LRP1B: variants seen among roughly 807,000 people sequenced by gnomAD.
LRP1B encodes low-density lipoprotein receptor-related protein 1B.
In LRP1B, 217 loss-of-function variants were observed where a neutral mutation model predicts 556.6. The observed-to-expected ratio is 0.39, with a 90% CI of 0.35 to 0.44. The LOEUF (loss-of-function observed/expected upper bound fraction) is 0.44, where lower values mean the gene tolerates loss of function less well. Among genes scored for constraint, LRP1B ranks in the 20% least tolerant of loss-of-function variants. The pLI, the probability that LRP1B is intolerant of heterozygous loss-of-function variation, is 1.00. For missense variants in LRP1B, 5,053 were observed against 5,620.8 expected, an observed-to-expected ratio of 0.90 and a Z score of 3.23; for synonymous variants, 2,047 against 1,865.8, an observed-to-expected ratio of 1.10 and a Z score of -2.50.
chr2:140,560,282 A>G (rs1010793681), intron 43 of LRP1B, among the ~76,000 whole-genome samples: 8 of 152,268 alleles, frequency 5.3e-5, no homozygotes, highest in African/African-American at 1.9e-4. Flanking sequence ...CTGGTCATCA[A>G]ATGTAATGTG....
chr2:140,692,587 G>C (rs1262251728), intron 41 of LRP1B, among the ~76,000 whole-genome samples: 2 of 152,080 alleles, frequency 1.3e-5, no homozygotes, highest in Admixed American at 6.6e-5. Context: ...AATAGTTGGA[G>C]AGATTGACTA....
intron 11 of LRP1B, among the ~76,000 whole-genome samples, chr2:141,031,683 C>T (rs946427035): frequency 6.6e-6 from 1 of 151,712 alleles, no homozygotes; most frequent in Admixed American, 6.6e-5. Context: ...GCACACTAGC[C>T]CCAAATAAGA....
At chr2:140,459,639 G>A (rs113384032) in intron 60 of LRP1B, among the ~76,000 whole-genome samples, 1,621 of 152,222 alleles carry the variant, frequency 0.011, 30 homozygotes, top group African/African-American at 0.038. Flanking sequence ...CAGCGGGAGA[G>A]GCAATTTATA....
intron 43 of LRP1B, among the ~76,000 whole-genome samples, chr2:140,573,013 G>A (rs1253662654): frequency 6.6e-6 from 1 of 151,622 alleles, no homozygotes; most frequent in Non-Finnish European, 1.5e-5. Context: ...AGTAGAAAAA[G>A]GAGATGTCGG....
intron 2 of LRP1B, among the ~76,000 whole-genome samples, chr2:141,693,006 A>T (rs948976597): frequency 2.6e-5 from 4 of 151,994 alleles, no homozygotes; most frequent in African/African-American, 4.8e-5. Flanking sequence ...AATTATCAAG[A>T]ATTTCAAGAG....
chr2:141,388,479 C>G (rs906338519), intron 3 of LRP1B, among the ~76,000 whole-genome samples: 2 of 151,896 alleles, frequency 1.3e-5, no homozygotes, highest in African/African-American at 4.8e-5. Context: ...AAATAATACT[C>G]AGAAACTAAG....
chr2:142,077,156 C>T (rs969461038), intron 1 of LRP1B, among the ~76,000 whole-genome samples: 5 of 152,004 alleles, frequency 3.3e-5, no homozygotes, highest in Admixed American at 2.6e-4. Context: ...TTCATCTTTA[C>T]CTAAAACATG....
chr2:140,936,791 G>C (rs192280260), intron 20 of LRP1B, among the ~76,000 whole-genome samples: 156 of 152,166 alleles, frequency 1.0e-3, no homozygotes, highest in Non-Finnish European at 1.7e-3. Context: ...CAATTTAAAA[G>C]ATTAATGTGT....
At chr2:141,172,532 C>G (rs1373898620) in intron 7 of LRP1B, among the ~76,000 whole-genome samples, 1 of 151,960 alleles carries the variant, frequency 6.6e-6, no homozygotes, top group Admixed American at 6.6e-5. Flanking sequence ...AGAGAATTTG[C>G]TTTTAATCAC....
At chr2:141,458,583 G>A (rs1681727002) in intron 3 of LRP1B, among the ~76,000 whole-genome samples, 1 of 152,044 alleles carries the variant, frequency 6.6e-6, no homozygotes, top group Non-Finnish European at 1.5e-5. Flanking sequence ...GGCTGACTCA[G>A]TGCTGTTTTC....
chr2:141,176,975 A>T (rs905816849), intron 7 of LRP1B, among the ~76,000 whole-genome samples: 8 of 152,138 alleles, frequency 5.3e-5, no homozygotes, highest in Non-Finnish European at 1.2e-4. Context: ...TGCTTTTTCC[A>T]AAATGTGTAT....
At position 141,293,554 on chromosome 2, in the gene LRP1B, C is replaced by T. The variant is rs559239647; in HGVS notation, c.344-38913G>A. ...TCATGCATACACTGAAATTGTGCTG[C>T]TCAAGAAATTGAAAAAGTATCATGG... On this transcript the variant is annotated intron_variant, in intron 3 of 90. Coordinates refer to ENST00000389484, the MANE Select transcript of LRP1B (RefSeq NM_018557.3). Among the ~76,000 whole-genome samples the T allele has an allele frequency of 2.6e-5, 4 of 151,690 alleles. No homozygotes were observed. The East Asian group carries it at 7.7e-4, about 29-fold the overall frequency.
rs554624382 is a variant in LRP1B, at chr2:141,968,225, C to A, written c.83-157824G>T. On this transcript the variant is annotated intron_variant, in intron 1 of 90. Coordinates refer to ENST00000389484, the MANE Select transcript of LRP1B (RefSeq NM_018557.3). ...GGTGGATGATCTAACAACATCCCGGCAAAAAGCCTTTGTCCATTTTTTACA... is the reference window on the plus strand; with the variant it reads ...GGTGGATGATCTAACAACATCCCGGAAAAAAGCCTTTGTCCATTTTTTACA... Among the ~76,000 whole-genome samples the A allele has an allele frequency of 5.3e-5, 8 of 151,784 alleles. No homozygotes were observed. The South Asian group carries it at 1.2e-3, about 24-fold the overall frequency.
intron 41 of LRP1B, among the ~76,000 whole-genome samples, chr2:140,603,314 G>C (rs1166551928): frequency 1.3e-5 from 2 of 152,000 alleles, no homozygotes; most frequent in Non-Finnish European, 2.9e-5. Context: ...TCTCCTATTT[G>C]GAGTGAGTGG....
At chr2:140,319,194 G>A (rs1387661653) in intron 82 of LRP1B, among the ~76,000 whole-genome samples, 1 of 152,052 alleles carries the variant, frequency 6.6e-6, no homozygotes, top group East Asian at 1.9e-4. Flanking sequence ...GGAAACATGG[G>A]ATTACACAGA....
chr2:141,890,360 CAT>C (rs144306760), intron 1 of LRP1B, among the ~76,000 whole-genome samples: 51 of 127,682 alleles, frequency 4.0e-4, no homozygotes, highest in African/African-American at 1.5e-3. Flanking sequence ...ATGTATTGTG[CAT>C]ATATATATAT....
At chr2:141,475,573 C>A (rs1343096689) in intron 3 of LRP1B, among the ~76,000 whole-genome samples, 1 of 152,096 alleles carries the variant, frequency 6.6e-6, no homozygotes, top group Non-Finnish European at 1.5e-5. Context: ...AACAGGCATT[C>A]CTGTCTTCAC....
intron 66 of LRP1B, among the ~76,000 whole-genome samples, chr2:140,426,205 T>A (rs1685645271): frequency 6.6e-6 from 1 of 152,194 alleles, no homozygotes; most frequent in Non-Finnish European, 1.5e-5. Context: ...TTCTCATTTG[T>A]AATACCTGGC....
intron 14 of LRP1B, among the ~76,000 whole-genome samples, chr2:141,005,823 G>C (rs1407342683): frequency 6.6e-6 from 1 of 151,958 alleles, no homozygotes; most frequent in Non-Finnish European, 1.5e-5. Flanking sequence ...TGTGGCTTTG[G>C]ATTCCCAGGG....
Sources: gnomAD v4.1 joint callset for allele counts (sites outside exome capture counted in the v4.1 genomes callset) on GRCh38, gnomAD v4.1.1 for gene constraint, MANE v1.5 for transcripts, NCBI Gene and HGNC (gene_info 2026-07-23, HGNC 2026-07-21) for gene names.